The following TSPAN7 variants were observed in gnomAD, a reference collection of about 807,000 sequenced individuals.
TSPAN7 encodes tetraspanin 7.
TSPAN7 carries 1 observed loss-of-function variant against 17.6 expected under a neutral mutation model. That is an observed-to-expected ratio of 0.06 (90% CI 0.02 to 0.27). The LOEUF is 0.27. Among genes scored for constraint, TSPAN7 ranks in the 10% least tolerant of loss-of-function variants. TSPAN7 has a pLI of 1.00. For missense variants in TSPAN7, 112 were observed against 201.7 expected (o/e 0.56, Z 2.69); for synonymous variants, 78 against 79.0 (o/e 0.99, Z 0.07).
chrX:38,566,223 T>C, intron 1 of TSPAN7: 1 of 461,892 alleles, frequency 2.2e-6, no homozygotes, highest in Non-Finnish European at 3.0e-6. Context: ...TAATTGTGTT[T>C]GAATGGATGG....
intron 1 of TSPAN7, among the ~76,000 whole-genome samples, chrX:38,624,197 A>T (rs1163696269): frequency 9.0e-6 from 1 of 111,319 alleles, no homozygotes; most frequent in Non-Finnish European, 1.9e-5. Context: ...CAAATAATGT[A>T]TGAGACATAA....
At chrX:38,602,079 G>A (rs753178393) in intron 1 of TSPAN7, among the ~76,000 whole-genome samples, 4 of 111,559 alleles carry the variant, frequency 3.6e-5, no homozygotes, top group Non-Finnish European at 7.5e-5. Context: ...ACTTACTGGG[G>A]TTGTTAATGT....
At chrX:38,650,828 A>T (rs1277610934) in intron 1 of TSPAN7, among the ~76,000 whole-genome samples, 2 of 110,932 alleles carry the variant, frequency 1.8e-5, no homozygotes. Context: ...TAAGCACAAC[A>T]TGGAAGGAAT....
chrX:38,562,558 G>A (rs1488588982), intron 1 of TSPAN7, among the ~76,000 whole-genome samples: 1 of 102,993 alleles, frequency 9.7e-6, no homozygotes, highest in Non-Finnish European at 2.0e-5. Flanking sequence ...GCGGGGGAGG[G>A]GGGAGGAGGA....
Position 38,650,488 on chromosome X carries a change from G to C in TSPAN7, c.82-15633G>C, listed in dbSNP as rs182366644. Among the ~76,000 whole-genome samples, 661 of 112,025 alleles carry C rather than the reference G, an allele frequency of 5.9e-3. 5 individuals carry two copies. Among genetic ancestry groups the C allele is most frequent in the African/African-American group, 0.02 (627 of 30,834 alleles). On this transcript the variant is annotated intron_variant, in intron 1 of 7. Transcript: ENST00000378482. ...AGCCCTTGGCTGTGAGTGAAGACAT[G>C]TGGTAAGAGCCAGGGGCTTTCCTGT...
chrX:38,619,204 G>A (rs775287778), intron 1 of TSPAN7, among the ~76,000 whole-genome samples: 1 of 110,978 alleles, frequency 9.0e-6, no homozygotes, highest in South Asian at 3.9e-4. Flanking sequence ...GGAGGCAGCA[G>A]CCACGCCAGC....
intron 1 of TSPAN7, among the ~76,000 whole-genome samples, chrX:38,578,374 A>G (rs188437426): frequency 1.4e-3 from 160 of 111,949 alleles, no homozygotes; most frequent in African/African-American, 5.0e-3. Flanking sequence ...AGGTTCTCCT[A>G]CAGGGTAAGA....
chrX:38,602,563 A>G (rs753751036), intron 1 of TSPAN7, among the ~76,000 whole-genome samples: 19 of 112,467 alleles, frequency 1.7e-4, no homozygotes, highest in Non-Finnish European at 2.8e-4. Flanking sequence ...ATGGCTGCCA[A>G]TAAACATCCA....
intron 1 of TSPAN7, chrX:38,563,100 T>G: frequency 1.0e-6 from 1 of 970,791 alleles, no homozygotes. Context: ...CCCGGACATT[T>G]CCTTATCGCT....
At chrX:38,656,158 A>T (rs1319447158) in intron 1 of TSPAN7, 1 of 243,493 alleles carries the variant, frequency 4.1e-6, no homozygotes, top group African/African-American at 2.8e-5. Flanking sequence ...AAAATCAGGT[A>T]CGAGGTATGG....
intron 1 of TSPAN7, among the ~76,000 whole-genome samples, chrX:38,603,876 T>A (rs1049954952): frequency 4.6e-5 from 5 of 108,924 alleles, no homozygotes; most frequent in Non-Finnish European, 9.5e-5. Context: ...TATTTTTTAT[T>A]TTATTATTAT....
chrX:38,605,006 A>G (rs1461191992), intron 1 of TSPAN7, among the ~76,000 whole-genome samples: 2 of 111,176 alleles, frequency 1.8e-5, no homozygotes, highest in African/African-American at 3.3e-5. Context: ...GCACAAGACA[A>G]GGATGCCCTC....
intron 1 of TSPAN7, among the ~76,000 whole-genome samples, chrX:38,610,938 C>G (rs181289166): frequency 1.8e-5 from 2 of 112,173 alleles, no homozygotes; most frequent in East Asian, 5.6e-4. Flanking sequence ...TGCTCTTACT[C>G]AAATCAGTGC....
intron 3 of TSPAN7, among the ~76,000 whole-genome samples, chrX:38,672,765 G>A (rs968943534): frequency 1.8e-5 from 2 of 111,441 alleles, no homozygotes; most frequent in Non-Finnish European, 3.8e-5. Context: ...AAACCCTGAG[G>A]GCTGTTGTGG....
intron 1 of TSPAN7, among the ~76,000 whole-genome samples, chrX:38,642,543 T>C (rs990712753): frequency 8.9e-6 from 1 of 111,827 alleles, no homozygotes; most frequent in African/African-American, 3.3e-5. Context: ...CTCAGAGAAA[T>C]AGACTTAAAT....
chrX:38,640,673 T>C (rs1379713564), intron 1 of TSPAN7, among the ~76,000 whole-genome samples: 1 of 112,613 alleles, frequency 8.9e-6, no homozygotes, highest in Admixed American at 9.4e-5. Flanking sequence ...TTTTATTGCC[T>C]TTTAAAGGTA....
chrX:38,578,864 T>C (rs2069211172), intron 1 of TSPAN7, among the ~76,000 whole-genome samples: 1 of 111,511 alleles, frequency 9.0e-6, no homozygotes, highest in African/African-American at 3.3e-5. Context: ...TATACACATA[T>C]GTATGGGTGT....
Position 38,633,018 on chromosome X carries a change from G to T in TSPAN7, c.82-33103G>T, listed in dbSNP as rs907818855. Among the ~76,000 whole-genome samples the T allele has an allele frequency of 3.6e-5, 4 of 112,254 alleles. No individual in the cohort carries two copies. In the Admixed American group the frequency reaches 3.8e-4, roughly 11 times the overall value. ...ATACGACCTCACCCAGTAGTCTGAG[G>T]CAGTGTGTGCCATAGGTTTACTTAC... On this transcript the variant is annotated intron_variant, in intron 1 of 7. Transcript: ENST00000378482.
Position 38,561,647 on chromosome X carries a change from C to T in TSPAN7, c.81+20C>T. 8.5e-7 allele frequency: 1 copy of T among 1,179,136 alleles called. No homozygotes were observed. Among genetic ancestry groups the T allele is most frequent in the Non-Finnish European group, 1.2e-6 (1 of 868,945 alleles). Reference sequence around the variant, plus strand: ...TTCTGGGTAAGTGCCCACGCCGGGCCGGTGGCCGAGTCGCTGTCCATCGGT... The same window carrying T: ...TTCTGGGTAAGTGCCCACGCCGGGCTGGTGGCCGAGTCGCTGTCCATCGGT... On this transcript the variant is annotated intron_variant, in intron 1 of 7. Transcript: ENST00000378482.
Sources: allele counts gnomAD v4.1 joint callset (sites outside exome capture counted in the v4.1 genomes callset), GRCh38; gene constraint gnomAD v4.1.1; transcripts MANE v1.5; gene names NCBI Gene and HGNC (gene_info 2026-07-23, HGNC 2026-07-21).